Variants in C8G observed in about 807,000 individuals in gnomAD.
The protein encoded by C8G is complement C8 gamma chain.
A neutral mutation model predicts 29.1 loss-of-function variants in C8G; 38 were observed. The ratio of observed to expected loss-of-function variants is 1.31; its 90% CI spans 1.01 to 1.71. The LOEUF (loss-of-function observed/expected upper bound fraction) is 1.71, where lower values mean the gene tolerates loss of function less well. C8G is among the 40% of genes most tolerant of loss of function. The probability of loss-of-function intolerance (pLI) is 0.00; values close to 1 mark genes in which losing one functional copy is unlikely to be tolerated. For missense variants in C8G, 300 were observed against 267.4 expected (o/e 1.12, Z -0.85); for synonymous variants, 158 against 113.2 (o/e 1.40, Z -2.51).
intron 2 of C8G, 30 bp from the exon 3 acceptor site, chr9:136,945,899 G>A: frequency 6.5e-7 from 1 of 1,549,666 alleles, no homozygotes. Context: ...GGGTCTCCCA[G>A]CCTGTGGTGC....
chr9:136,946,562 G>A lies in C8G; in HGVS notation c.552G>A (p.Lys184=). Residue 184 remains lysine (K), a synonymous_variant, in exon 5 of 7, where the codon AAG becomes AAA. Transcript: ENST00000371634. ...AGGACCAGATCTTCTACTTCCCCAA[G>A]TACGGTGAGTGTCCCCAGCAGGTCC... ...LTEDQIFYFP[K]YGFCEAADQF... is the part of the protein sequence containing the mutation. The A allele has an allele frequency of 6.2e-7, 1 of 1,612,942 alleles. No homozygotes were observed.
Position 136,945,331 on chromosome 9 carries a change from C to G in C8G, c.11C>G (p.Pro4Arg), listed in dbSNP as rs750909920. 39 of 1,609,766 alleles carry G rather than the reference C, an allele frequency of 2.4e-5. No individual in the cohort carries two copies. Among genetic ancestry groups the G allele is most frequent in the South Asian group, 4.4e-5 (4 of 90,848 alleles). Residue 4 changes from proline to arginine, a missense_variant, in exon 1 of 7, where the codon CCT (proline) becomes CGT (arginine). Pro to Arg is a moderately radical substitution (Grantham distance 103). Coordinates refer to ENST00000371634, the MANE Select transcript of C8G (RefSeq NM_000606.3). MLPPGTATLLTLLL... is the reference protein window; with the variant it reads MLPRGTATLLTLLL... Reference sequence around the variant, plus strand: ...CCTGCTGCCGCCACCATGCTGCCCCCTGGGACTGCGACCCTCTTGACTCTG... The same window carrying G: ...CCTGCTGCCGCCACCATGCTGCCCCGTGGGACTGCGACCCTCTTGACTCTG...
At position 136,945,248 on chromosome 9, in the gene C8G, A is replaced by G; in HGVS notation, c.-73A>G. The stretch of plus-strand genomic sequence containing the variant: ...CCTGGGCTGGGCTCTGTGACAGCAG[A>G]GTAGACTCTGTCCTGGGACTTGGTG... On this transcript the variant is annotated 5_prime_UTR_variant, in exon 1 of 7. Coordinates refer to ENST00000371634, the MANE Select transcript of C8G (RefSeq NM_000606.3). 6.6e-7 allele frequency: 1 copy of G among 1,513,880 alleles called. No homozygotes were observed. The highest frequency in any genetic ancestry group is 8.9e-7 in the Non-Finnish European group (1 of 1,129,882). The allele number at this position is 1,513,880 out of a possible 1,614,324, so 93.8% of individuals were successfully genotyped here.
chr9:136,945,527 G>C (rs1225827482), intron 1 of C8G, 69 bp downstream of exon 1: 3 of 1,543,662 alleles, frequency 1.9e-6, no homozygotes, highest in Non-Finnish European at 2.6e-6. Context: ...ACAGGTAGAA[G>C]TTGTTGCGGG....
rs948984874 is a variant in C8G, at chr9:136,945,561, T to TG, written c.139-67dup. On this transcript the variant is annotated intron_variant, in intron 1 of 6. Coordinates refer to ENST00000371634, the MANE Select transcript of C8G (RefSeq NM_000606.3). ...GGGGAGAGGGAAGCAGGTGAAGTTG[T>TG]GGGGGGTGTAGAGGGAAGCAGGTGA... is the stretch of plus-strand genomic sequence containing the variant. 5.8e-6 allele frequency: 9 copies of TG among 1,553,964 alleles called. No homozygotes were observed. In the Admixed American group the frequency reaches 7.2e-5, roughly 12 times the overall value.
Position 136,945,437 on chromosome 9 carries a change from G to A in C8G, c.117G>A (p.Lys39=), listed in dbSNP as rs751166944. 1.9e-6 allele frequency: 3 copies of A among 1,583,244 alleles called. No homozygotes were observed. The highest frequency in any genetic ancestry group is 2.6e-6 in the Non-Finnish European group (3 of 1,164,736). The change falls in exon 1 of 7, where the codon AAG becomes AAA. Residue 39 remains lysine (K), a synonymous_variant. Transcript: ENST00000371634. ...CCCCCATCAGCACCATCCAGCCCAAGGCCAATTTTGATGCTCAGCAGGTAG... is the reference window on the plus strand; with the variant it reads ...CCCCCATCAGCACCATCCAGCCCAAAGCCAATTTTGATGCTCAGCAGGTAG... ...PASPISTIQP[K]ANFDAQQFAG...
rs964075217 is a variant in C8G at position 136,945,397 on chromosome 9, C to T, written c.77C>T (p.Pro26Leu). The T allele has an allele frequency of 1.9e-6, 3 of 1,608,282 alleles. No homozygotes were observed. The highest frequency in any genetic ancestry group is 2.2e-5 in the South Asian group (2 of 90,062). The change falls in exon 1 of 7, where the codon CCA becomes CTA. Residue 26 changes from proline to leucine, a missense_variant. Pro to Leu is a moderately conservative substitution (Grantham distance 98, BLOSUM62 -3). Coordinates refer to ENST00000371634, the MANE Select transcript of C8G (RefSeq NM_000606.3). ...TCGCTGGGCCAGAAGCCTCAGAGGCCACGCCGGCCCGCATCCCCCATCAGC... is the reference window on the plus strand; with the variant it reads ...TCGCTGGGCCAGAAGCCTCAGAGGCTACGCCGGCCCGCATCCCCCATCAGC... ...AGSLGQKPQR[P>L]RRPASPISTI... is the part of the protein sequence containing the mutation.
chr9:136,946,377 C>T (rs775954247), intron 4 of C8G, 88 bp from the exon 5 acceptor site: 21 of 1,476,032 alleles, frequency 1.4e-5, no homozygotes, highest in South Asian at 1.1e-4. Flanking sequence ...GAGAGGGCCC[C>T]GAGGGGGCAG....
rs1342714652 is a variant in C8G at position 136,946,834 on chromosome 9, A to T, written c.*53A>T. 1 of 1,538,276 alleles carries T rather than the reference A, an allele frequency of 6.5e-7. No individual in the cohort carries two copies. The highest frequency in any genetic ancestry group is 8.7e-7 in the Non-Finnish European group (1 of 1,146,962). ...AGTCAGTGCCCCGAGAGACGACCCC[A>T]CCAGTGGGGTGCCCGCTGCCTGTCC... On this transcript the variant is annotated 3_prime_UTR_variant, in exon 7 of 7. Transcript: ENST00000371634.
rs752254642 is a variant in C8G, at chr9:136,946,111, G to A, written c.373G>A (p.Val125Met). ...QARDARGAVHVVVAETDYQSF... is the reference protein window; with the variant it reads ...QARDARGAVHMVVAETDYQSF... ...CCGAGACGCCCGAGGGGCTGTGCAC[G>A]TGGTTGTCGCTGAGACCGACTACCA... is the stretch of plus-strand genomic sequence containing the variant. The change falls in exon 4 of 7, where the codon GTG (valine) becomes ATG (methionine). Residue 125 changes from valine to methionine, a missense_variant. By Grantham distance (21) the Val-to-Met change is conservative. Transcript: ENST00000371634. 12 of 1,596,128 alleles carry A rather than the reference G, an allele frequency of 7.5e-6. No individual in the cohort carries two copies. Among genetic ancestry groups the A allele is most frequent in the South Asian group, 3.3e-5 (3 of 89,562 alleles).
Position 136,946,659 on chromosome 9 carries a change from G to A in C8G, c.565G>A (p.Glu189Lys), listed in dbSNP as rs765567840. Residue 189 changes from glutamate (E) to lysine (K), a missense_variant, in exon 6 of 7, where the codon GAG becomes AAG. By Grantham distance (56) the Glu-to-Lys change is moderately conservative. Coordinates refer to ENST00000371634, the MANE Select transcript of C8G (RefSeq NM_000606.3). ...CTGCCTTGGGCCCCCAGGCTTCTGC[G>A]AGGCTGCAGACCAGTTCCACGTCCT... The part of the protein sequence containing the change: ...IFYFPKYGFC[E>K]AADQFHVLDE... The A allele has an allele frequency of 1.1e-5, 17 of 1,612,982 alleles. No individual in the cohort carries two copies. In the African/African-American group the frequency reaches 1.1e-4, roughly 10 times the overall value.
At chr9:136,945,815 C>A (rs370586623) in intron 2 of C8G, 45 bp downstream of exon 2, 4 of 1,538,928 alleles carry the variant, frequency 2.6e-6, no homozygotes, top group Non-Finnish European at 3.5e-6. Flanking sequence ...ACCCTCCTCT[C>A]AGCCCCCGGA....
rs780338065 is a variant in C8G at position 136,946,491 on chromosome 9, G to T, written c.481G>T (p.Val161Phe). Residue 161 changes from valine to phenylalanine, a missense_variant, in exon 5 of 7, where the codon GTC becomes TTC. Val to Phe is a conservative substitution (Grantham distance 50). Coordinates refer to ENST00000371634, the MANE Select transcript of C8G (RefSeq NM_000606.3). Reference sequence around the variant, plus strand: ...CCGCTCGCTCCCTGTGAGCGACTCGGTCCTGAGTGGGTTTGAGCAGCGGGT... The same window carrying T: ...CCGCTCGCTCCCTGTGAGCGACTCGTTCCTGAGTGGGTTTGAGCAGCGGGT... Reference protein sequence around the residue: ...YARSLPVSDSVLSGFEQRVQE... With the variant: ...YARSLPVSDSFLSGFEQRVQE... 1 of 1,612,212 alleles carries T rather than the reference G, an allele frequency of 6.2e-7. No homozygotes were observed. Among genetic ancestry groups the T allele is most frequent in the Non-Finnish European group, 8.5e-7 (1 of 1,179,522 alleles).
Position 136,946,551 on chromosome 9 carries a change from T to C in C8G, c.541T>C (p.Tyr181His), listed in dbSNP as rs138632480. 9.7e-5 allele frequency: 157 copies of C among 1,613,010 alleles called. No individual in the cohort carries two copies. The highest frequency in any genetic ancestry group is 4.0e-4 in the African/African-American group (30 of 75,020). The change falls in exon 5 of 7, where the codon TAC becomes CAC. Residue 181 changes from tyrosine (Y) to histidine (H), a missense_variant. Transcript: ENST00000371634. ...EAHLTEDQIF[Y>H]FPKYGFCEAA... ...CCACCTGACTGAGGACCAGATCTTCTACTTCCCCAAGTACGGTGAGTGTCC... is the reference window on the plus strand; with the variant it reads ...CCACCTGACTGAGGACCAGATCTTCCACTTCCCCAAGTACGGTGAGTGTCC...
intron 1 of C8G, 70 bp from the exon 2 acceptor site, chr9:136,945,564 G>A (rs779225997): frequency 3.5e-5 from 55 of 1,569,636 alleles, no homozygotes; most frequent in Non-Finnish European, 4.6e-5. Context: ...GAAGTTGTGG[G>A]GGGTGTAGAG....
chr9:136,946,056 C>CT, intron 3 of C8G, 29 bp from the exon 4 acceptor site: 1 of 1,605,318 alleles, frequency 6.2e-7, no homozygotes, highest in Non-Finnish European at 8.5e-7. Context: ...CTGTGGCTCT[C>CT]TGACATGGCT....
At position 136,945,970 on chromosome 9, in the gene C8G, C is replaced by T. The variant is rs148537245; in HGVS notation, c.317C>T (p.Thr106Ile). ...CAGGTGCGCCAGCTCTATGGAGACA[C>T]AGGGGTCCTCGGCCGCTTCCTGCTT... Reference protein sequence around the residue: ...CWQVRQLYGDTGVLGRFLLQA... With the variant: ...CWQVRQLYGDIGVLGRFLLQA... The change falls in exon 3 of 7, where the codon ACA (threonine) becomes ATA (isoleucine). Residue 106 changes from threonine to isoleucine, a missense_variant. Thr to Ile is a moderately conservative substitution (Grantham distance 89). Transcript: ENST00000371634. 1.2e-5 allele frequency: 19 copies of T among 1,574,858 alleles called. No individual in the cohort carries two copies. The East Asian group carries it at 3.7e-4, about 31-fold the overall frequency.
At position 136,946,584 on chromosome 9, in the gene C8G, G is replaced by T; in HGVS notation, c.556+18G>T. ...CAAGTACGGTGAGTGTCCCCAGCAG[G>T]TCCCCAGCTCAGCCACCCCCACTCT... On this transcript the variant is annotated intron_variant, in intron 5 of 6. Coordinates refer to ENST00000371634, the MANE Select transcript of C8G (RefSeq NM_000606.3). The T allele has an allele frequency of 6.2e-7, 1 of 1,612,662 alleles. No homozygotes were observed. Among genetic ancestry groups the T allele is most frequent in the Non-Finnish European group, 8.5e-7 (1 of 1,179,674 alleles).
At chr9:136,946,370 A>G in intron 4 of C8G, 95 bp from the exon 5 acceptor site, 1 of 1,456,476 alleles carries the variant, frequency 6.9e-7, no homozygotes, top group Non-Finnish European at 9.1e-7. Context: ...GAGCAGGGAG[A>G]GGGCCCCGAG....
Sources: gnomAD v4.1 joint callset for allele counts on GRCh38, gnomAD v4.1.1 for gene constraint, MANE v1.5 for transcripts, NCBI Gene and HGNC (gene_info 2026-07-23, HGNC 2026-07-21) for gene names.